The following DENND4B variants were observed in gnomAD, a reference collection of about 807,000 sequenced individuals.
DENND4B encodes the protein DENN domain-containing protein 4B.
Under a neutral mutation model 161.0 loss-of-function variants are expected in DENND4B, and 67 were observed. That is an observed-to-expected ratio of 0.42 (90% confidence interval 0.34 to 0.51). The LOEUF (loss-of-function observed/expected upper bound fraction) is 0.51, where lower values mean the gene tolerates loss of function less well. DENND4B is among the 20% of genes least tolerant of loss of function. The pLI is 0.08. For missense variants in DENND4B, 1,481 were observed against 1,968.0 expected, an observed-to-expected ratio of 0.75 and a Z score of 4.68; for synonymous variants, 753 against 813.8, an observed-to-expected ratio of 0.93 and a Z score of 1.27.
intron 1 of DENND4B, chr1:153,945,393 C>T: frequency 3.2e-6 from 1 of 314,642 alleles, no homozygotes; most frequent in South Asian, 2.3e-5. Context: ...CAGCATTACG[C>T]CAAGTTGGAA....
At position 153,941,453 on chromosome 1, in the gene DENND4B, G is replaced by T. The variant is rs1457324561; in HGVS notation, c.1056-13C>A. 1 of 1,609,316 alleles carries T rather than the reference G, an allele frequency of 6.2e-7. No individual in the cohort carries two copies. On this transcript the variant is annotated splice_polypyrimidine_tract_variant and intron_variant, in intron 6 of 27. Coordinates refer to ENST00000361217, the MANE Select transcript of DENND4B (RefSeq NM_014856.3). ...GTGGGAGATGTGCCTGGGGGACAGA[G>T]AAACAGGTCAGAGCATACTCCCCCG...
chr1:153,932,171 C>T lies in DENND4B; in HGVS notation c.3996+33G>A, dbSNP rs1678994175. 3 of 1,585,648 alleles carry T rather than the reference C, an allele frequency of 1.9e-6. No homozygotes were observed. Among genetic ancestry groups the T allele is most frequent in the Admixed American group, 3.4e-5 (2 of 58,038 alleles). On this transcript the variant is annotated intron_variant, in intron 24 of 27. Coordinates refer to ENST00000361217, the MANE Select transcript of DENND4B (RefSeq NM_014856.3). This position sits in a 1 kb window ranked among gnomAD's most constrained non-coding sequence, Gnocchi z 5.8. ...AAATGGCTGAGAGATGAGGGAGGCA[C>T]TTAGGAAACAGGGGCCACATGGGGG...
Position 153,933,086 on chromosome 1 carries a change from C to G in DENND4B, c.3454-56G>C. 6.2e-7 allele frequency: 1 copy of G among 1,610,424 alleles called. No homozygotes were observed. ...CTGTCTGGCCGCCAGCACTCTGGAG[C>G]CCATGCCCCTTCCCCAGCCCCTCCC... On this transcript the variant is annotated intron_variant, in intron 21 of 27. Coordinates refer to ENST00000361217, the MANE Select transcript of DENND4B (RefSeq NM_014856.3). The surrounding 1 kb of genome is among the most constrained non-coding windows in gnomAD (Gnocchi z 5.7).
chr1:153,930,880 A>C lies in DENND4B; in HGVS notation c.4115-23T>G, dbSNP rs748615683. 1 of 1,594,976 alleles carries C rather than the reference A, an allele frequency of 6.3e-7. No individual in the cohort carries two copies. Among genetic ancestry groups the C allele is most frequent in the Non-Finnish European group, 8.5e-7 (1 of 1,171,458 alleles). On this transcript the variant is annotated intron_variant, in intron 25 of 27. Coordinates refer to ENST00000361217, the MANE Select transcript of DENND4B (RefSeq NM_014856.3). This position sits in a 1 kb window ranked among gnomAD's most constrained non-coding sequence, Gnocchi z 4.7. ...GGCCTGGATGAAAGGAAAGAAGGCC[A>C]CCAGAATCACTGAGCCCTCTGGGTA... is the stretch of plus-strand genomic sequence containing the variant.
Position 153,936,739 on chromosome 1 carries a change from C to T in DENND4B, c.2242G>A (p.Val748Ile). ...APRRTKQEMK[V>I]AQRMAQKSAA... is the part of the protein sequence containing the mutation. ...GACTTCTGTGCCATCCGCTGTGCAA[C>T]TTTCATCTCCTAGGTAGGACAGGGG... The change falls in exon 16 of 28, where the codon GTT becomes ATT. Residue 748 changes from valine (V) to isoleucine (I), a missense_variant. Transcript: ENST00000361217. The surrounding 1 kb of genome is among the most constrained non-coding windows in gnomAD (Gnocchi z 4.1). The T allele has an allele frequency of 6.3e-7, 1 of 1,588,444 alleles. No individual in the cohort carries two copies. Among genetic ancestry groups the T allele is most frequent in the African/African-American group, 1.3e-5 (1 of 74,696 alleles).
At chr1:153,938,877 A>G (rs762850997) in intron 13 of DENND4B, 23 bp downstream of exon 13, 8 of 1,566,260 alleles carry the variant, frequency 5.1e-6, no homozygotes, top group Non-Finnish European at 6.9e-6. Flanking sequence ...GAGGCCAATG[A>G]GCACATAGAG....
rs541179402 is a variant in DENND4B, at chr1:153,937,988, G to A, written c.1966-125C>T. On this transcript the variant is annotated intron_variant, in intron 13 of 27. Coordinates refer to ENST00000361217, the MANE Select transcript of DENND4B (RefSeq NM_014856.3). The surrounding 1 kb of genome is among the most constrained non-coding windows in gnomAD (Gnocchi z 4.7). ...GGAAAGAGACACAGCCTGGGAAGAT[G>A]GCGTCAGGAACGGGAGGACAGTACA... is the stretch of plus-strand genomic sequence containing the variant. The A allele has an allele frequency of 1.0e-4, 143 of 1,402,746 alleles. 1 individual carries two copies. The South Asian group carries it at 1.7e-3, about 16-fold the overall frequency. 86.9% of individuals were successfully genotyped at this position (1,402,746 alleles called of 1,614,324 possible). A position where few individuals can be genotyped will look rare whatever the true frequency, so the allele number is the denominator to read the frequency against.
Position 153,941,402 on chromosome 1 carries a change from G to A in DENND4B, c.1094C>T (p.Ser365Phe). The change falls in exon 7 of 28, where the codon TCC (serine) becomes TTC (phenylalanine). Residue 365 changes from serine (S) to phenylalanine (F), a missense_variant. Around this residue, in one of 3 missense-constraint regions of DENND4B, gnomAD observed 806 missense variants for 1,134.4 expected, o/e 0.71. Transcript: ENST00000361217. ...CACTAGGATGCGGGGTCTCTGTGGG[G>A]AAGGGAAGGGAACGTTGTGAATGAA... ...SHFIHNVPFPSPQRPRILVQM... is the reference protein window; with the variant it reads ...SHFIHNVPFPFPQRPRILVQM... The A allele has an allele frequency of 1.2e-6, 2 of 1,613,422 alleles. No homozygotes were observed. The highest frequency in any genetic ancestry group is 8.5e-7 in the Non-Finnish European group (1 of 1,179,736).
rs1005968017 is a variant in DENND4B at position 153,934,431 on chromosome 1, T to G, written c.2774-129A>C. 9 of 1,264,960 alleles carry G rather than the reference T, an allele frequency of 7.1e-6. No homozygotes were observed. The highest frequency in any genetic ancestry group is 9.7e-6 in the Non-Finnish European group (9 of 927,294). 78.4% of individuals were successfully genotyped at this position (1,264,960 alleles called of 1,614,324 possible). A position where few individuals can be genotyped will look rare whatever the true frequency, so the allele number is the denominator to read the frequency against. ...AGGCAAAACTTTATCCGTTTTGTGT[T>G]TGTTTGTTTGTTTGTTTTGTTTTGT... On this transcript the variant is annotated intron_variant, in intron 18 of 27. Coordinates refer to ENST00000361217, the MANE Select transcript of DENND4B (RefSeq NM_014856.3). The surrounding 1 kb of genome is among the most constrained non-coding windows in gnomAD (Gnocchi z 5.3).
rs1679336169 is a variant in DENND4B at position 153,936,449 on chromosome 1, C to T, written c.2439+93G>A. The T allele has an allele frequency of 7.3e-7, 1 of 1,378,622 alleles. No individual in the cohort carries two copies. The highest frequency in any genetic ancestry group is 9.7e-7 in the Non-Finnish European group (1 of 1,026,656). 85.4% of individuals were successfully genotyped at this position (1,378,622 alleles called of 1,614,324 possible). On this transcript the variant is annotated intron_variant, in intron 16 of 27. Transcript: ENST00000361217. The surrounding 1 kb of genome is among the most constrained non-coding windows in gnomAD (Gnocchi z 4.1). Reference sequence around the variant, plus strand: ...GCTCTGGGGCTCTGCAACTTCTTTCCTTAGTCTCCACCAAGTTTCCCTCTC... The same window carrying T: ...GCTCTGGGGCTCTGCAACTTCTTTCTTTAGTCTCCACCAAGTTTCCCTCTC...
intron 1 of DENND4B, chr1:153,945,170 C>G: frequency 1.6e-6 from 2 of 1,289,472 alleles, no homozygotes; most frequent in Non-Finnish European, 2.0e-6. Context: ...AGTAGGAGCC[C>G]CAAGGGTCCT....
Position 153,942,262 on chromosome 1 carries a change from C to T in DENND4B, c.735G>A (p.Glu245=), listed in dbSNP as rs780858866. 1.2e-6 allele frequency: 2 copies of T among 1,613,932 alleles called. No individual in the cohort carries two copies. Among genetic ancestry groups the T allele is most frequent in the South Asian group, 2.2e-5 (2 of 91,084 alleles). The change falls in exon 5 of 28, where the codon GAG becomes GAA. Residue 245 remains glutamate (E), a synonymous_variant. Transcript: ENST00000361217. This position sits in a 1 kb window ranked among gnomAD's most constrained non-coding sequence, Gnocchi z 6.9. The part of the protein sequence containing the change: ...VFCLPMGATI[E]CWPAQTKYPV... ...GGTACTTGGTCTGGGCAGGCCAGCA[C>T]TCGATAGTGGCCCCCATGGGCAGGC...
intron 1 of DENND4B, chr1:153,945,167 G>T: frequency 1.6e-6 from 2 of 1,289,500 alleles, no homozygotes; most frequent in South Asian, 2.5e-5. Flanking sequence ...GGGAGTAGGA[G>T]CCCCAAGGGT....
rs372135633 is a variant in DENND4B at position 153,930,478 on chromosome 1, G to A, written c.4346-36C>T. The stretch of plus-strand genomic sequence containing the variant: ...AGGTGGAAGTCAACATGTTAGGACC[G>A]CAGCCTCCCACACCTGGCCCCAGAT... On this transcript the variant is annotated intron_variant, in intron 27 of 27. Transcript: ENST00000361217. This position sits in a 1 kb window ranked among gnomAD's most constrained non-coding sequence, Gnocchi z 4.7. 15 of 1,613,784 alleles carry A rather than the reference G, an allele frequency of 9.3e-6. No individual in the cohort carries two copies. The African/African-American group carries it at 9.3e-5, about 10-fold the overall frequency.
At chr1:153,945,155 C>A (rs546293570) in intron 1 of DENND4B, 3 of 1,289,390 alleles carry the variant, frequency 2.3e-6, no homozygotes, top group East Asian at 1.1e-4. Flanking sequence ...GGCCCAACCC[C>A]GGGGAGTAGG....
At position 153,932,736 on chromosome 1, in the gene DENND4B, T is replaced by G; in HGVS notation, c.3665A>C (p.Asp1222Ala). The change falls in exon 23 of 28, where the codon GAT becomes GCT. Residue 1222 changes from aspartate (D) to alanine (A), a missense_variant. Physicochemically the swap from Asp to Ala is moderately radical, Grantham distance 126. This residue lies in a region of DENND4B where 336 missense variants were observed against 503.3 expected (regional missense o/e 0.67). Transcript: ENST00000361217. This position sits in a 1 kb window ranked among gnomAD's most constrained non-coding sequence, Gnocchi z 5.8. ...PKSAGASGSKDAPVPGGPGPV... is the reference protein window; with the variant it reads ...PKSAGASGSKAAPVPGGPGPV... Reference sequence around the variant, plus strand: ...GCCAGGACCACCAGGGACAGGAGCATCTTTGCTGCCACTGGCACCAGCAGA... The same window carrying G: ...GCCAGGACCACCAGGGACAGGAGCAGCTTTGCTGCCACTGGCACCAGCAGA... 1.2e-6 allele frequency: 2 copies of G among 1,614,010 alleles called. No homozygotes were observed. The highest frequency in any genetic ancestry group is 1.7e-6 in the Non-Finnish European group (2 of 1,179,886).
At position 153,940,376 on chromosome 1, in the gene DENND4B, C is replaced by A. The variant is rs1679598286; in HGVS notation, c.1502+55G>T. The A allele has an allele frequency of 6.3e-7, 1 of 1,591,144 alleles. No homozygotes were observed. Among genetic ancestry groups the A allele is most frequent in the South Asian group, 1.1e-5 (1 of 88,126 alleles). On this transcript the variant is annotated intron_variant, in intron 10 of 27. Transcript: ENST00000361217. The surrounding 1 kb of genome is among the most constrained non-coding windows in gnomAD (Gnocchi z 5.6). ...TTTTGAGCCCGTAGCACTCCACACA[C>A]TAGCCCATTCCTGCCCACCACCCTG...
chr1:153,942,627 T>C lies in DENND4B; in HGVS notation c.571-2A>G. On this transcript the variant is annotated splice_acceptor_variant, in intron 3 of 27. Coordinates refer to ENST00000361217, the MANE Select transcript of DENND4B (RefSeq NM_014856.3). LOFTEE classifies it high-confidence loss of function. This position sits in a 1 kb window ranked among gnomAD's most constrained non-coding sequence, Gnocchi z 6.9. ...GCACAGGTACACTGCTGGGCCCCAC[T>C]ACCCCAGAAATGGCAAGAGACAAGC... The C allele has an allele frequency of 1.3e-6, 2 of 1,588,002 alleles. No homozygotes were observed. Among genetic ancestry groups the C allele is most frequent in the Non-Finnish European group, 1.7e-6 (2 of 1,168,308 alleles).
Position 153,937,448 on chromosome 1 carries a change from C to CT in DENND4B, c.2232+39_2232+40insA. 6.7e-7 allele frequency: 1 copy of CT among 1,485,146 alleles called. No homozygotes were observed. The highest frequency in any genetic ancestry group is 9.0e-7 in the Non-Finnish European group (1 of 1,114,444). The allele number at this position is 1,485,146 out of a possible 1,614,324, so 92.0% of individuals were successfully genotyped here. On this transcript the variant is annotated intron_variant, in intron 15 of 27. Coordinates refer to ENST00000361217, the MANE Select transcript of DENND4B (RefSeq NM_014856.3). This position sits in a 1 kb window ranked among gnomAD's most constrained non-coding sequence, Gnocchi z 4.7. ...AAACTGAAGCAGCAGCAGCCTTCAG[C>CT]CTGATCCGGGTCCCTCAGTGCGGTC... is the stretch of plus-strand genomic sequence containing the variant.
Sources: allele counts gnomAD v4.1 joint callset, GRCh38; gene constraint gnomAD v4.1.1; regional missense constraint gnomAD v4.1.1; non-coding constraint Gnocchi (gnomAD v3.1); transcripts MANE v1.5; gene names NCBI Gene and HGNC (gene_info 2026-07-23, HGNC 2026-07-21).